HTR3D: variants seen among roughly 807,000 people sequenced by gnomAD.
The protein encoded by HTR3D is 5-hydroxytryptamine (serotonin) receptor 3 family member D.
Under a neutral mutation model 45.8 loss-of-function variants are expected in HTR3D, and 47 were observed. The ratio of observed to expected loss-of-function variants is 1.03; its 90% CI spans 0.81 to 1.31. The LOEUF (loss-of-function observed/expected upper bound fraction) is 1.31, where lower values mean the gene tolerates loss of function less well. Among genes scored for constraint, HTR3D ranks in the 50% most tolerant of loss-of-function variants. The pLI, the probability that HTR3D is intolerant of heterozygous loss-of-function variation, is 0.00. For missense variants in HTR3D, 448 were observed against 506.9 expected, an observed-to-expected ratio of 0.88 and a Z score of 1.12; for synonymous variants, 203 against 199.8, an observed-to-expected ratio of 1.02 and a Z score of -0.13.
Position 184,032,256 on chromosome 3 carries a change from A to C in HTR3D, c.66+449A>C, listed in dbSNP as rs1453356223. 2.0e-5 allele frequency among the ~76,000 whole-genome samples: 3 copies of C among 152,296 alleles called. No individual in the cohort carries two copies. The East Asian group carries it at 5.8e-4, about 29-fold the overall frequency. ...TGATCTGCCCGCGTGGGCCTCCCAA[A>C]GTGTTGGGATTACAGGCGTGAGCCC... On this transcript the variant is annotated intron_variant, in intron 1 of 7. Transcript: ENST00000428798.
Position 184,031,919 on chromosome 3 carries a change from TA to T in HTR3D, c.66+117del. ...GTCAATGATTGGATGTTCGTTATGG[TA>T]AAAATGATGCTCGTGACACTGATGG... is the stretch of plus-strand genomic sequence containing the variant. On this transcript the variant is annotated intron_variant, in intron 1 of 7. Transcript: ENST00000428798. 20 of 738,152 alleles carry T rather than the reference TA, an allele frequency of 2.7e-5. 1 individual carries two copies. The South Asian group carries it at 3.1e-4, about 12-fold the overall frequency. The allele number at this position is 738,152 out of a possible 1,614,324, so 45.7% of individuals were successfully genotyped here. A position where few individuals can be genotyped will look rare whatever the true frequency, so the allele number is the denominator to read the frequency against.
chr3:184,038,666 C>A lies in HTR3D; in HGVS notation c.985+42C>A, dbSNP rs1472564751. On this transcript the variant is annotated intron_variant, in intron 7 of 7. Transcript: ENST00000428798. This position sits in a 1 kb window ranked among gnomAD's most constrained non-coding sequence, Gnocchi z 4.5. Reference sequence around the variant, plus strand: ...TTCCTCTTCCCCCACCTCCACTTCTCTGCTCCTGCCTCCTTCCCTGTCTCC... The same window carrying A: ...TTCCTCTTCCCCCACCTCCACTTCTATGCTCCTGCCTCCTTCCCTGTCTCC... The A allele has an allele frequency of 6.3e-7, 1 of 1,579,774 alleles. No homozygotes were observed. Among genetic ancestry groups the A allele is most frequent in the East Asian group, 2.3e-5 (1 of 42,726 alleles).
At position 184,031,799 on chromosome 3, in the gene HTR3D, C is replaced by T. The variant is rs151274687; in HGVS notation, c.58C>T (p.Leu20=). The change falls in exon 1 of 8, where the codon CTG becomes TTG. Residue 20 remains leucine, a synonymous_variant. Transcript: ENST00000428798. ...CCTCCTTGGCTTCATCCTCCACCTG[C>T]TGCTGCAAGTACCTTAAGATAAGAG... The part of the protein sequence containing the change: ...GFLLGFILHL[L]LQDSHLQLVT... The T allele has an allele frequency of 2.9e-4, 456 of 1,550,784 alleles. No homozygotes were observed. The African/African-American group carries it at 5.4e-3, about 19-fold the overall frequency.
At chr3:184,035,459 G>A (rs966387933) in intron 2 of HTR3D, among the ~76,000 whole-genome samples, 5 of 152,190 alleles carry the variant, frequency 3.3e-5, no homozygotes, top group African/African-American at 1.2e-4. Flanking sequence ...CAATACTTAT[G>A]TGGCTCCATC....
chr3:184,036,753 G>T lies in HTR3D; in HGVS notation c.373G>T (p.Ala125Ser). The change falls in exon 5 of 8, where the codon GCA (alanine) becomes TCA (serine). Residue 125 changes from alanine (A) to serine (S), a missense_variant. By Grantham distance (99) the Ala-to-Ser change is moderately conservative. Transcript: ENST00000428798. ...SALSPTQVTR[A>S]WRRMSRSFQI... is the part of the protein sequence containing the mutation. The stretch of plus-strand genomic sequence containing the variant: ...TTTGCAGTGGAGAACACGAGCCCGG[G>T]CATGGAGAAGGATGTCCAGGAGCTT... 1 of 1,552,220 alleles carries T rather than the reference G, an allele frequency of 6.4e-7. No individual in the cohort carries two copies. Among genetic ancestry groups the T allele is most frequent in the African/African-American group, 1.4e-5 (1 of 73,186 alleles).
In HTR3D at chr3:184,038,992, A is replaced by C. The variant is rs6765152; in HGVS notation, c.*17A>C. 1,048,576 of 1,608,274 alleles carry C rather than the reference A, an allele frequency of 0.65. 346,939 individuals are homozygous for C. Among genetic ancestry groups the C allele is most frequent in the East Asian group, 0.93 (41,698 of 44,796 alleles). ...AACACCTAGGCAGGTGCTCACCTGCAAACTTCAGTCTGGACTTCTTTTTGC... is the reference window on the plus strand; with the variant it reads ...AACACCTAGGCAGGTGCTCACCTGCCAACTTCAGTCTGGACTTCTTTTTGC... On this transcript the variant is annotated 3_prime_UTR_variant, in exon 8 of 8. Transcript: ENST00000428798. This position sits in a 1 kb window ranked among gnomAD's most constrained non-coding sequence, Gnocchi z 4.5.
rs982062782 is a variant in HTR3D at position 184,036,020 on chromosome 3, C to A, written c.117C>A (p.Asn39Lys). 1.9e-6 allele frequency: 3 copies of A among 1,551,532 alleles called. No homozygotes were observed. Among genetic ancestry groups the A allele is most frequent in the Non-Finnish European group, 2.6e-6 (3 of 1,146,944 alleles). The stretch of plus-strand genomic sequence containing the variant: ...GGCACAATCAATTTGTGCAGTGGAA[C>A]CCAGATGAATGCGGAGGCATCAAGA... ...VTSFLWLNMW[N>K]PDECGGIKKS... The change falls in exon 3 of 8, where the codon AAC becomes AAA. Residue 39 changes from asparagine to lysine, a missense_variant. Physicochemically the swap from Asn to Lys is moderately conservative, Grantham distance 94. Transcript: ENST00000428798.
chr3:184,033,655 G>T (rs1304636679), intron 1 of HTR3D, among the ~76,000 whole-genome samples: 2 of 152,130 alleles, frequency 1.3e-5, no homozygotes, highest in Admixed American at 6.6e-5. Context: ...GGTGGCTCAT[G>T]CCTGTAATCT....
In HTR3D at chr3:184,038,189, A is replaced by G; in HGVS notation, c.685A>G (p.Met229Val). ...VLLGYSVFLL[M>V]MNDLLPATST... is the part of the protein sequence containing the mutation. ...GCTGGGCTACAGCGTCTTCCTGCTCATGATGAATGACTTGCTCCCAGCCAC... is the reference window on the plus strand; with the variant it reads ...GCTGGGCTACAGCGTCTTCCTGCTCGTGATGAATGACTTGCTCCCAGCCAC... The change falls in exon 6 of 8, where the codon ATG (methionine) becomes GTG (valine). Residue 229 changes from methionine (M) to valine (V), a missense_variant. By Grantham distance (21) the Met-to-Val change is conservative. Coordinates refer to ENST00000428798, the MANE Select transcript of HTR3D (RefSeq NM_001145143.1). The surrounding 1 kb of genome is among the most constrained non-coding windows in gnomAD (Gnocchi z 4.5). 1 of 1,614,180 alleles carries G rather than the reference A, an allele frequency of 6.2e-7. No homozygotes were observed. The highest frequency in any genetic ancestry group is 1.1e-5 in the South Asian group (1 of 91,082).
intron 1 of HTR3D, 40 bp from the exon 2 acceptor site, chr3:184,035,138 T>G: frequency 6.4e-7 from 1 of 1,551,728 alleles, no homozygotes; most frequent in Non-Finnish European, 8.7e-7. Flanking sequence ...GGGACCTGCC[T>G]TCCTGGAGTT....
intron 1 of HTR3D, among the ~76,000 whole-genome samples, chr3:184,032,098 G>A (rs1398863525): frequency 6.7e-6 from 1 of 148,666 alleles, no homozygotes; most frequent in Non-Finnish European, 1.5e-5. Flanking sequence ...AGGTTCAAAC[G>A]ATCTCATGCC....
rs759561169 is a variant in HTR3D, at chr3:184,036,391, G to T, written c.214G>T (p.Ala72Ser). 2.5e-6 allele frequency: 4 copies of T among 1,614,110 alleles called. No individual in the cohort carries two copies. Among genetic ancestry groups the T allele is most frequent in the Non-Finnish European group, 3.4e-6 (4 of 1,180,016 alleles). ...CAGCATCAGTGTGGATCAGACACCTGCAGGTCTCATGGCTAGTATGTCAAT... is the reference window on the plus strand; with the variant it reads ...CAGCATCAGTGTGGATCAGACACCTTCAGGTCTCATGGCTAGTATGTCAAT... Reference protein sequence around the residue: ...FIEESVDQTPAGLMASMSIVK... With the variant: ...FIEESVDQTPSGLMASMSIVK... The change falls in exon 4 of 8, where the codon GCA (alanine) becomes TCA (serine). Residue 72 changes from alanine to serine, a missense_variant. Physicochemically the swap from Ala to Ser is moderately conservative, Grantham distance 99 (BLOSUM62 1). Transcript: ENST00000428798.
At chr3:184,032,882 C>G (rs1202980101) in intron 1 of HTR3D, 1 of 1,551,962 alleles carries the variant, frequency 6.4e-7, no homozygotes, top group African/African-American at 1.4e-5. Context: ...CTCTCAGTCT[C>G]TGCTCACTAC....
In HTR3D at chr3:184,039,025, C is replaced by T. The variant is rs6789682; in HGVS notation, c.*50C>T. 0.21 allele frequency: 328,628 copies of T among 1,578,338 alleles called. 41,453 individuals carry two copies. The highest frequency in any genetic ancestry group is 0.59 in the African/African-American group (42,886 of 73,066). The stretch of plus-strand genomic sequence containing the variant: ...GTCTGGACTTCTTTTTGCCAGAGAA[C>T]TCCAGAAACCAGTCAGGCTCTCAGT... On this transcript the variant is annotated 3_prime_UTR_variant, in exon 8 of 8. Coordinates refer to ENST00000428798, the MANE Select transcript of HTR3D (RefSeq NM_001145143.1).
Position 184,032,019 on chromosome 3 carries a change from G to A in HTR3D, c.66+212G>A, listed in dbSNP as rs1444578033. Among the ~76,000 whole-genome samples the A allele has an allele frequency of 2.9e-5, 4 of 139,748 alleles. No homozygotes were observed. In the East Asian group the frequency reaches 8.2e-4, roughly 29 times the overall value. 91.7% of individuals were successfully genotyped at this position (139,748 alleles called of 152,430 possible). On this transcript the variant is annotated intron_variant, in intron 1 of 7. Coordinates refer to ENST00000428798, the MANE Select transcript of HTR3D (RefSeq NM_001145143.1). ...TCTTTTTTTTTTTTTTTTTGAGATGGAGTCTCGCTCTGTTACCCAGGCTAG... is the reference window on the plus strand; with the variant it reads ...TCTTTTTTTTTTTTTTTTTGAGATGAAGTCTCGCTCTGTTACCCAGGCTAG...
Position 184,038,397 on chromosome 3 carries a change from C to A in HTR3D, c.770-12C>A, listed in dbSNP as rs376334455. On this transcript the variant is annotated splice_polypyrimidine_tract_variant and intron_variant, in intron 6 of 7. Transcript: ENST00000428798. The surrounding 1 kb of genome is among the most constrained non-coding windows in gnomAD (Gnocchi z 4.5). ...GCGCCTCTGGCCCTCATGCAGACCC[C>A]CTTGCCTGCAGGTGTCTACTTCGCC... is the stretch of plus-strand genomic sequence containing the variant. 9 of 1,614,056 alleles carry A rather than the reference C, an allele frequency of 5.6e-6. No individual in the cohort carries two copies. The African/African-American group carries it at 1.2e-4, about 22-fold the overall frequency.
rs777373172 is a variant in HTR3D at position 184,038,793 on chromosome 3, G to T, written c.1033G>T (p.Glu345Ter). Reference protein sequence around the residue: ...VSAGQMPGPGEAELTGGSEWT... With the variant: ...VSAGQMPGPG The stretch of plus-strand genomic sequence containing the variant: ...AGCAGGGCAGATGCCAGGCCCTGGG[G>T]AGGCAGAGCTGACAGGGGGCTCAGA... The change falls in exon 8 of 8, where the codon GAG (glutamate) becomes TAG (stop). Residue 345 changes from glutamate to a stop codon, truncating the protein, a stop_gained. Transcript: ENST00000428798. LOFTEE classifies it high-confidence loss of function. This position sits in a 1 kb window ranked among gnomAD's most constrained non-coding sequence, Gnocchi z 4.5. The T allele has an allele frequency of 3.1e-6, 5 of 1,613,392 alleles. No homozygotes were observed. Among genetic ancestry groups the T allele is most frequent in the Non-Finnish European group, 4.2e-6 (5 of 1,179,572 alleles).
chr3:184,038,177 G>A lies in HTR3D; in HGVS notation c.673G>A (p.Val225Ile), dbSNP rs747381697. 36 of 1,614,154 alleles carry A rather than the reference G, an allele frequency of 2.2e-5. No individual in the cohort carries two copies. Among genetic ancestry groups the A allele is most frequent in the East Asian group, 1.6e-4 (7 of 44,888 alleles). ...FKMTVLLGYS[V>I]FLLMMNDLLP... ...GATGACTGTTCTGCTGGGCTACAGC[G>A]TCTTCCTGCTCATGATGAATGACTT... Residue 225 changes from valine (V) to isoleucine (I), a missense_variant, in exon 6 of 8, where the codon GTC becomes ATC. Coordinates refer to ENST00000428798, the MANE Select transcript of HTR3D (RefSeq NM_001145143.1). The surrounding 1 kb of genome is among the most constrained non-coding windows in gnomAD (Gnocchi z 4.5).
In HTR3D at chr3:184,036,777, T is replaced by A; in HGVS notation, c.397T>A (p.Phe133Ile). The change falls in exon 5 of 8, where the codon TTT (phenylalanine) becomes ATT (isoleucine). Residue 133 changes from phenylalanine to isoleucine, a missense_variant. By Grantham distance (21) the Phe-to-Ile change is conservative. Transcript: ENST00000428798. ...GGCATGGAGAAGGATGTCCAGGAGC[T>A]TTCAAATACATCACAGAACCTCATT... ...TRAWRRMSRSFQIHHRTSFRT... is the reference protein window; with the variant it reads ...TRAWRRMSRSIQIHHRTSFRT... 6.4e-7 allele frequency: 1 copy of A among 1,552,126 alleles called. No individual in the cohort carries two copies.
Sources: gnomAD v4.1 joint callset for allele counts (sites outside exome capture counted in the v4.1 genomes callset) on GRCh38, gnomAD v4.1.1 for gene constraint, Gnocchi (gnomAD v3.1) non-coding constraint, MANE v1.5 for transcripts, NCBI Gene and HGNC (gene_info 2026-07-23, HGNC 2026-07-21) for gene names.